ABHD2: variants seen among roughly 807,000 people sequenced by gnomAD.
The protein encoded by ABHD2 is monoacylglycerol lipase ABHD2.
ABHD2 carries 20 observed loss-of-function variants against 48.1 expected under a neutral mutation model. The ratio of observed to expected loss-of-function variants is 0.42; its 90% CI spans 0.29 to 0.60. ABHD2 has a LOEUF of 0.60. Ranked by LOEUF, ABHD2 falls within the 20% of genes least tolerant of loss-of-function variation. ABHD2 has a pLI of 0.24. For synonymous variants in ABHD2, 209 were observed against 214.2 expected (o/e 0.98, Z 0.21); for missense variants, 405 against 550.9 (o/e 0.74, Z 2.65).
intron 1 of ABHD2, among the ~76,000 whole-genome samples, chr15:89,098,517 T>C (rs1413181635): frequency 6.6e-6 from 1 of 152,164 alleles, no homozygotes; most frequent in Non-Finnish European, 1.5e-5. Context: ...TCCAACCCCT[T>C]CCAGCTCCTT....
At chr15:89,111,767 T>C (rs1049547327) in intron 1 of ABHD2, among the ~76,000 whole-genome samples, 3 of 152,236 alleles carry the variant, frequency 2.0e-5, no homozygotes, top group Non-Finnish European at 4.4e-5. Flanking sequence ...TCTTTCCCTA[T>C]GCATATAGAT....
the ABHD2 span, among the ~76,000 whole-genome samples, chr15:89,041,525 C>T: frequency 6.6e-6 from 1 of 152,264 alleles, no homozygotes; most frequent in Non-Finnish European, 1.5e-5. Context: ...TGCAGTGACT[C>T]TTAGTGCAGC....
At chr15:89,115,255 T>C (rs1481413017) in intron 2 of ABHD2, among the ~76,000 whole-genome samples, 5 of 152,154 alleles carry the variant, frequency 3.3e-5, no homozygotes, top group Non-Finnish European at 7.4e-5. Context: ...ATTTCCCTGA[T>C]TTTTAAGGTT....
chr15:89,098,374 C>T (rs541899315), intron 1 of ABHD2, among the ~76,000 whole-genome samples: 2 of 152,160 alleles, frequency 1.3e-5, no homozygotes, highest in South Asian at 2.1e-4. Context: ...CAGAGTTCAG[C>T]AGGCATTTAT....
chr15:89,129,400 A>T (rs1268353642), intron 3 of ABHD2, among the ~76,000 whole-genome samples: 3 of 152,190 alleles, frequency 2.0e-5, no homozygotes, highest in Non-Finnish European at 4.4e-5. Context: ...AAGGCCATCT[A>T]CCTTGGCCAG....
rs877318 is a variant in ABHD2 at position 89,177,105 on chromosome 15, A to G, written c.722+1110A>G. Among the ~76,000 whole-genome samples the G allele has an allele frequency of 2.5e-4, 38 of 152,340 alleles. No individual in the cohort carries two copies. The highest frequency in any genetic ancestry group is 7.9e-4 in the African/African-American group (33 of 41,586). The stretch of plus-strand genomic sequence containing the variant: ...TGATCTAAATGTACCCACGATAGAC[A>G]TGAGAAACATCTCTGATGAAACCCT... On this transcript the variant is annotated intron_variant, in intron 6 of 10. Transcript: ENST00000352732. The surrounding 1 kb of genome is among the most constrained non-coding windows in gnomAD (Gnocchi z 5.6).
chr15:89,167,894 T>A lies in ABHD2; in HGVS notation c.539-7918T>A, dbSNP rs1375529042. Among the ~76,000 whole-genome samples, 2 of 152,248 alleles carry A rather than the reference T, an allele frequency of 1.3e-5. No individual in the cohort carries two copies. Among genetic ancestry groups the A allele is most frequent in the African/African-American group, 4.8e-5 (2 of 41,462 alleles). On this transcript the variant is annotated intron_variant, in intron 5 of 10. Coordinates refer to ENST00000352732, the MANE Select transcript of ABHD2 (RefSeq NM_152924.5). The surrounding 1 kb of genome is among the most constrained non-coding windows in gnomAD (Gnocchi z 5.5). ...AAACTTAGTGGGAAAGATATTCAAG[T>A]ACCTCTTTCATGTCCCCTGCTTACT...
Position 89,175,728 on chromosome 15 carries a change from C to T in ABHD2, c.539-84C>T, listed in dbSNP as rs117314741. On this transcript the variant is annotated intron_variant, in intron 5 of 10. Transcript: ENST00000352732. This position sits in a 1 kb window ranked among gnomAD's most constrained non-coding sequence, Gnocchi z 5.7. ...TTCTCTCTCTTTTAGTATACTGGCA[C>T]CCATTTAGTAACGTTCCAGCTTGCA... 9.5e-3 allele frequency: 13,521 copies of T among 1,422,674 alleles called. 89 individuals carry two copies. Among genetic ancestry groups the T allele is most frequent in the Non-Finnish European group, 0.011 (11,244 of 1,013,202 alleles). 88.1% of individuals were successfully genotyped at this position (1,422,674 alleles called of 1,614,324 possible).
intron 3 of ABHD2, among the ~76,000 whole-genome samples, chr15:89,147,580 C>G (rs1017810054): frequency 6.6e-6 from 1 of 151,114 alleles, no homozygotes; most frequent in African/African-American, 2.4e-5. Context: ...GTCTCGATCT[C>G]CTGACCTCGT....
intron 5 of ABHD2, among the ~76,000 whole-genome samples, chr15:89,170,157 C>T (rs1482530165): frequency 8.1e-6 from 1 of 122,778 alleles, no homozygotes; most frequent in Admixed American, 1.1e-4. Flanking sequence ...AGTGTAGTGG[C>T]ACAATCTTGG....
chr15:89,123,058 C>G (rs539948760), intron 3 of ABHD2, among the ~76,000 whole-genome samples: 1 of 152,186 alleles, frequency 6.6e-6, no homozygotes, highest in Non-Finnish European at 1.5e-5. Context: ...CAGCTGCCAC[C>G]TGTATTAAAA....
At position 89,201,588 on chromosome 15, in the gene ABHD2, G is replaced by C. The variant is rs951350193; in HGVS notation, c.*6165G>C. The C allele has an allele frequency of 6.3e-6, 10 of 1,594,960 alleles. No homozygotes were observed. In the African/African-American group the frequency reaches 1.3e-4, roughly 21 times the overall value. On this transcript the variant is annotated 3_prime_UTR_variant, in exon 11 of 11. Transcript: ENST00000352732. ...TAGCATTACTGAAACAGTCACAGTT[G>C]ACCCTGGGTCAATAATTCCACTGTT...
In ABHD2 at chr15:89,200,927, C is replaced by T. The variant is rs188207112; in HGVS notation, c.*5504C>T. The T allele has an allele frequency of 5.9e-3, 2,555 of 433,586 alleles. 12 individuals are homozygous for T. The highest frequency in any genetic ancestry group is 8.4e-3 in the Non-Finnish European group (2,014 of 241,128). The allele number at this position is 433,586 out of a possible 1,614,324, so 26.9% of individuals were successfully genotyped here. Reference sequence around the variant, plus strand: ...TGAAACCCCTTCTCTACTAAAAATGCAAAAATTAGCTGGGTGTGGTGGCGG... The same window carrying T: ...TGAAACCCCTTCTCTACTAAAAATGTAAAAATTAGCTGGGTGTGGTGGCGG... On this transcript the variant is annotated 3_prime_UTR_variant, in exon 11 of 11. Coordinates refer to ENST00000352732, the MANE Select transcript of ABHD2 (RefSeq NM_152924.5).
chr15:89,062,125 G>A, the ABHD2 span, among the ~76,000 whole-genome samples: 781 of 152,196 alleles, frequency 5.1e-3, 4 homozygotes, highest in African/African-American at 0.018. Flanking sequence ...AATGCTGGAA[G>A]ATACAGCACA....
upstream of ABHD2, among the ~76,000 whole-genome samples, chr15:89,086,355 T>C (rs1310511755): frequency 6.6e-6 from 1 of 152,222 alleles, no homozygotes; most frequent in Non-Finnish European, 1.5e-5. Flanking sequence ...TAATTTTTAA[T>C]TGACAAAATT....
chr15:89,131,576 A>G (rs2050220542), intron 3 of ABHD2, among the ~76,000 whole-genome samples: 1 of 152,238 alleles, frequency 6.6e-6, no homozygotes, highest in South Asian at 2.1e-4. Flanking sequence ...TTGAGAGACT[A>G]ACAGGTCCCC....
rs557005926 is a variant in ABHD2 at position 89,150,764 on chromosome 15, C to T, written c.195-913C>T. The stretch of plus-strand genomic sequence containing the variant: ...TAATACAGAGGGGAATGATTGACGT[C>T]ACTATCATTTTATATTATACGACTC... On this transcript the variant is annotated intron_variant, in intron 3 of 10. Coordinates refer to ENST00000352732, the MANE Select transcript of ABHD2 (RefSeq NM_152924.5). Among the ~76,000 whole-genome samples, 35 of 152,304 alleles carry T rather than the reference C, an allele frequency of 2.3e-4. 1 individual carries two copies. The South Asian group carries it at 6.8e-3, about 30-fold the overall frequency.
upstream of ABHD2, chr15:89,087,103 T>C (rs770679369): frequency 1.3e-5 from 2 of 152,260 alleles, no homozygotes; most frequent in South Asian, 2.1e-4. The surrounding 1 kb of genome is among the most constrained non-coding windows in gnomAD (Gnocchi z 5.5). Flanking sequence ...GTCCACACTC[T>C]GTGATGTCTA....
At chr15:89,136,078 C>G (rs139550598) in intron 3 of ABHD2, 3 of 203,674 alleles carry the variant, frequency 1.5e-5, no homozygotes, top group East Asian at 2.9e-4. Flanking sequence ...AGACGCCCGC[C>G]ACCATGCCTG....
Sources: allele counts gnomAD v4.1 joint callset (sites outside exome capture counted in the v4.1 genomes callset), GRCh38; gene constraint gnomAD v4.1.1; non-coding constraint Gnocchi (gnomAD v3.1); transcripts MANE v1.5; gene names NCBI Gene and HGNC (gene_info 2026-07-23, HGNC 2026-07-21).